The following POLR3B variants were observed in gnomAD, a reference collection of about 807,000 sequenced individuals.
The protein encoded by POLR3B is DNA-directed RNA polymerase III subunit RPC2.
Under a neutral mutation model 147.4 loss-of-function variants are expected in POLR3B, and 96 were observed. The observed-to-expected ratio is 0.65, with a 90% CI of 0.55 to 0.77. POLR3B has a LOEUF of 0.77. Ranked by LOEUF, POLR3B falls within the 30% of genes least tolerant of loss-of-function variation. POLR3B has a pLI of 0.00. For missense variants in POLR3B, 1,036 were observed against 1,413.5 expected (o/e 0.73, Z 4.28); for synonymous variants, 461 against 485.9 (o/e 0.95, Z 0.67).
intron 16 of POLR3B, among the ~76,000 whole-genome samples, chr12:106,435,127 A>G (rs1425958254): frequency 1.4e-5 from 2 of 143,394 alleles, no homozygotes; most frequent in African/African-American, 2.4e-5. Context: ...TCCTTCCATT[A>G]AATTATTTTT....
intron 24 of POLR3B, 63 bp downstream of exon 24, chr12:106,496,221 G>A: frequency 1.0e-6 from 1 of 974,594 alleles, no homozygotes; most frequent in Non-Finnish European, 1.7e-6. Flanking sequence ...AGTTAGTTTA[G>A]TTAGAGTGAG....
rs150390464 is a variant in POLR3B, at chr12:106,365,210, G to A, written c.106-1306G>A. ...TCTAGAGTTCAGTTGCGTGTTATGG[G>A]CAGAGGGGAGAGTGCTGGGAAACGA... On this transcript the variant is annotated intron_variant, in intron 2 of 27. Transcript: ENST00000228347. 5.3e-3 allele frequency among the ~76,000 whole-genome samples: 807 copies of A among 152,248 alleles called. 6 individuals carry two copies. The highest frequency in any genetic ancestry group is 0.019 in the African/African-American group (776 of 41,550).
At chr12:106,456,033 C>A (rs1331812107) in intron 20 of POLR3B, among the ~76,000 whole-genome samples, 1 of 152,150 alleles carries the variant, frequency 6.6e-6, no homozygotes, top group Non-Finnish European at 1.5e-5. Flanking sequence ...GCATTTATTT[C>A]ATCAGTAATA....
At chr12:106,426,839 T>TTCCC (rs2037444378) in intron 12 of POLR3B, among the ~76,000 whole-genome samples, 2 of 25,290 alleles carry the variant, frequency 7.9e-5, no homozygotes, top group African/African-American at 1.7e-4. Context: ...TTCTCCACCG[T>TTCCC]CCCCCCCCCC....
intron 12 of POLR3B, among the ~76,000 whole-genome samples, chr12:106,412,933 C>T (rs1378320903): frequency 6.6e-6 from 1 of 152,076 alleles, no homozygotes; most frequent in Non-Finnish European, 1.5e-5. Flanking sequence ...ATTTATACAC[C>T]TTCTTTGAAG....
intron 6 of POLR3B, among the ~76,000 whole-genome samples, chr12:106,374,354 A>G (rs2036648838): frequency 6.6e-6 from 1 of 151,886 alleles, no homozygotes; most frequent in Non-Finnish European, 1.5e-5. Flanking sequence ...GGTAACTGGG[A>G]CTATAAGTGC....
intron 10 of POLR3B, among the ~76,000 whole-genome samples, chr12:106,405,103 C>T (rs2037132390): frequency 6.6e-6 from 1 of 152,060 alleles, no homozygotes; most frequent in African/African-American, 2.4e-5. Flanking sequence ...ATCCTTGTGC[C>T]AGTATCACAC....
intron 19 of POLR3B, 81 bp from the exon 20 acceptor site, chr12:106,454,421 G>T: frequency 1.3e-6 from 1 of 750,528 alleles, no homozygotes. Flanking sequence ...TGATGTTAAT[G>T]TATTTATCTC....
chr12:106,426,864 T>C, intron 12 of POLR3B, among the ~76,000 whole-genome samples: 1 of 100,934 alleles, frequency 9.9e-6, no homozygotes, highest in Non-Finnish European at 2.1e-5. Context: ...CCCGTCCTTT[T>C]TGGTTTTAAT....
chr12:106,492,594 C>T (rs563101589), intron 23 of POLR3B, among the ~76,000 whole-genome samples: 1 of 152,312 alleles, frequency 6.6e-6, no homozygotes, highest in South Asian at 2.1e-4. Context: ...ATTAACTTGA[C>T]TTTTCCTGAG....
intron 19 of POLR3B, among the ~76,000 whole-genome samples, chr12:106,448,939 G>T (rs2037761639): frequency 6.6e-6 from 1 of 151,820 alleles, no homozygotes; most frequent in Non-Finnish European, 1.5e-5. Flanking sequence ...CCTGTCCATT[G>T]TGGATCACGA....
intron 9 of POLR3B, among the ~76,000 whole-genome samples, chr12:106,389,908 T>TA (rs2036891235): frequency 6.6e-6 from 1 of 152,120 alleles, no homozygotes; most frequent in Non-Finnish European, 1.5e-5. Context: ...CCCTGTCTCT[T>TA]AAAAAAGTTG....
intron 13 of POLR3B, among the ~76,000 whole-genome samples, chr12:106,429,234 C>T (rs1231771289): frequency 1.3e-5 from 2 of 152,170 alleles, no homozygotes; most frequent in African/African-American, 4.8e-5. Flanking sequence ...CTCCCTGCAG[C>T]CCCTGCCTTT....
intron 12 of POLR3B, among the ~76,000 whole-genome samples, chr12:106,419,375 T>C (rs933144435): frequency 6.6e-6 from 1 of 152,220 alleles, no homozygotes; most frequent in African/African-American, 2.4e-5. Context: ...AGGAAAAGCA[T>C]GAAATCCAGT....
chr12:106,408,817 G>A (rs2136934945), intron 11 of POLR3B, among the ~76,000 whole-genome samples: 1 of 152,232 alleles, frequency 6.6e-6, no homozygotes, highest in Non-Finnish European at 1.5e-5. Flanking sequence ...ATATGACTCT[G>A]GGAACAGTCC....
intron 23 of POLR3B, among the ~76,000 whole-genome samples, chr12:106,470,914 T>G (rs1318434431): frequency 6.6e-6 from 1 of 151,656 alleles, no homozygotes. Context: ...TACACGGGGG[T>G]CAGGGACCTA....
At chr12:106,447,063 T>C (rs1320641930) in intron 19 of POLR3B, among the ~76,000 whole-genome samples, 2 of 152,236 alleles carry the variant, frequency 1.3e-5, no homozygotes, top group Non-Finnish European at 2.9e-5. Flanking sequence ...ATCCCATTTT[T>C]ACTATGAGCC....
At chr12:106,445,696 C>T (rs1336843336) in intron 19 of POLR3B, among the ~76,000 whole-genome samples, 1 of 152,048 alleles carries the variant, frequency 6.6e-6, no homozygotes, top group Admixed American at 6.6e-5. Flanking sequence ...ATGCCCATGA[C>T]ACCAATATGA....
rs547202397 is a variant in POLR3B at position 106,430,033 on chromosome 12, G to A, written c.1264-240G>A. Among the ~76,000 whole-genome samples, 37 of 152,260 alleles carry A rather than the reference G, an allele frequency of 2.4e-4. 1 individual carries two copies. Among genetic ancestry groups the A allele is most frequent in the African/African-American group, 8.2e-4 (34 of 41,564 alleles). On this transcript the variant is annotated intron_variant, in intron 13 of 27. Transcript: ENST00000228347. ...GTGCTCTGATGTGGTAAGGTTATGC[G>A]TCGAATAATTCTGAGATGGTTGCTA... is the stretch of plus-strand genomic sequence containing the variant.
Sources: gnomAD v4.1 joint callset for allele counts (sites outside exome capture counted in the v4.1 genomes callset) on GRCh38, gnomAD v4.1.1 for gene constraint, MANE v1.5 for transcripts, NCBI Gene and HGNC (gene_info 2026-07-23, HGNC 2026-07-21) for gene names.